Variants in FERMT1 observed in about 807,000 individuals in gnomAD.
The protein encoded by FERMT1 is fermitin family homolog 1.
Under a neutral mutation model 85.3 loss-of-function variants are expected in FERMT1, and 60 were observed. The observed-to-expected ratio is 0.70, with a 90% CI of 0.57 to 0.87. The LOEUF is 0.87. FERMT1 is among the 40% of genes least tolerant of loss of function. FERMT1 has a pLI of 0.00. For missense variants in FERMT1, 701 were observed against 818.9 expected (o/e 0.86, Z 1.76); for synonymous variants, 275 against 301.1 (o/e 0.91, Z 0.90).
At chr20:6,087,309 A>G (rs561127002) in intron 11 of FERMT1, among the ~76,000 whole-genome samples, 3 of 152,114 alleles carry the variant, frequency 2.0e-5, no homozygotes, top group East Asian at 1.9e-4. Flanking sequence ...AACAATGTTT[A>G]TTGTTTTTCT....
chr20:6,097,715 C>A, intron 6 of FERMT1, 84 bp from the exon 7 acceptor site: 1 of 949,352 alleles, frequency 1.1e-6, no homozygotes, highest in South Asian at 1.3e-5. Flanking sequence ...TGAGGCCATT[C>A]TCTGTTAATC....
At chr20:6,112,339 G>T in intron 4 of FERMT1, 138 bp downstream of exon 4, 1 of 826,770 alleles carries the variant, frequency 1.2e-6, no homozygotes, top group East Asian at 2.5e-5. Context: ...TTCTAAACTT[G>T]ACTAGATAGC....
At chr20:6,088,848 T>G in intron 10 of FERMT1, 117 bp downstream of exon 10, 1 of 974,188 alleles carries the variant, frequency 1.0e-6, no homozygotes, top group Non-Finnish European at 1.6e-6. Context: ...GGTCTCGAAC[T>G]CCTGACCTCA....
chr20:6,098,094 G>T (rs994092895), intron 6 of FERMT1, among the ~76,000 whole-genome samples: 3 of 152,168 alleles, frequency 2.0e-5, no homozygotes, highest in Non-Finnish European at 4.4e-5. Context: ...AATTACAGGC[G>T]TGAGCCACTG....
At chr20:6,091,691 C>T (rs1363288691) in intron 9 of FERMT1, among the ~76,000 whole-genome samples, 1 of 152,142 alleles carries the variant, frequency 6.6e-6, no homozygotes, top group African/African-American at 2.4e-5. Context: ...AAGAATGAGG[C>T]CCTACTTCTC....
chr20:6,089,242 G>A (rs768469368), intron 9 of FERMT1, among the ~76,000 whole-genome samples, 153 bp from the exon 10 acceptor site: 6 of 152,166 alleles, frequency 3.9e-5, no homozygotes, highest in Non-Finnish European at 8.8e-5. Context: ...CCAAGCGCTG[G>A]AAATGAAATG....
At position 6,113,595 on chromosome 20, in the gene FERMT1, GC is replaced by G. The variant is rs775236705; in HGVS notation, c.386-973del. On this transcript the variant is annotated intron_variant, in intron 3 of 14. Coordinates refer to ENST00000217289, the MANE Select transcript of FERMT1 (RefSeq NM_017671.5). ...CGGAATCTAGACCATGCATCTTTCT[GC>G]CAGAGGCTTTGCTCTGATGGCTCAC... 7.9e-5 allele frequency among the ~76,000 whole-genome samples: 12 copies of G among 152,182 alleles called. No homozygotes were observed. The East Asian group carries it at 1.4e-3, about 17-fold the overall frequency.
rs543960700 is a variant in FERMT1 at position 6,090,581 on chromosome 20, C to T, written c.1140-1492G>A. ...ACCAGCCTGGGCAACACAGGAAGATCACATCTCTACAAAAAAAGAAAAATT... is the reference window on the plus strand; with the variant it reads ...ACCAGCCTGGGCAACACAGGAAGATTACATCTCTACAAAAAAAGAAAAATT... On this transcript the variant is annotated intron_variant, in intron 9 of 14. Transcript: ENST00000217289. Among the ~76,000 whole-genome samples, 123 of 151,962 alleles carry T rather than the reference C, an allele frequency of 8.1e-4. 1 individual carries two copies. Among genetic ancestry groups the T allele is most frequent in the African/African-American group, 2.9e-3 (119 of 41,450 alleles).
chr20:6,104,791 C>G lies in FERMT1; in HGVS notation c.849+2741G>C, dbSNP rs1184826535. Among the ~76,000 whole-genome samples, 1 of 152,188 alleles carries G rather than the reference C, an allele frequency of 6.6e-6. No individual in the cohort carries two copies. Among genetic ancestry groups the G allele is most frequent in the Non-Finnish European group, 1.5e-5 (1 of 68,010 alleles). On this transcript the variant is annotated intron_variant, in intron 6 of 14. Transcript: ENST00000217289. The surrounding 1 kb of genome is among the most constrained non-coding windows in gnomAD (Gnocchi z 4.2). Reference sequence around the variant, plus strand: ...CGTTTGATTTCTTCCACTTTTTAGACAAATACATATTTAACCCTGCTCCTC... The same window carrying G: ...CGTTTGATTTCTTCCACTTTTTAGAGAAATACATATTTAACCCTGCTCCTC...
intron 11 of FERMT1, among the ~76,000 whole-genome samples, chr20:6,085,828 G>A (rs1982165420): frequency 6.8e-6 from 1 of 148,068 alleles, no homozygotes; most frequent in Non-Finnish European, 1.5e-5. Flanking sequence ...GAGCCTGGGC[G>A]ACAGAACAAT....
chr20:6,091,582 A>G (rs1202256706), intron 9 of FERMT1, among the ~76,000 whole-genome samples: 1 of 152,218 alleles, frequency 6.6e-6, no homozygotes, highest in East Asian at 1.9e-4. Flanking sequence ...CAAAATGAAT[A>G]GTATTTTCAG....
intron 5 of FERMT1, 95 bp downstream of exon 5, chr20:6,110,203 C>T (rs1982905208): frequency 9.2e-7 from 1 of 1,090,596 alleles, no homozygotes; most frequent in South Asian, 1.3e-5. Flanking sequence ...AAAGCACAAT[C>T]CCTAGGCCTA....
chr20:6,097,165 T>G, intron 7 of FERMT1, 132 bp from the exon 8 acceptor site: 3 of 917,382 alleles, frequency 3.3e-6, no homozygotes, highest in Non-Finnish European at 3.5e-6. Context: ...AGAGGTCTCC[T>G]TCCCGTGTGG....
chr20:6,080,576 G>A lies in FERMT1; in HGVS notation c.1719-999C>T, dbSNP rs183259231. Among the ~76,000 whole-genome samples, 24 of 152,282 alleles carry A rather than the reference G, an allele frequency of 1.6e-4. No homozygotes were observed. The East Asian group carries it at 4.4e-3, about 28-fold the overall frequency. On this transcript the variant is annotated intron_variant, in intron 13 of 14. Transcript: ENST00000217289. ...ACACCAAGCAGGATCACTCTGGACC[G>A]GCTCTGTGATGGTGGTGGTGGAGGA... is the stretch of plus-strand genomic sequence containing the variant.
chr20:6,089,105 T>C lies in FERMT1; in HGVS notation c.1140-16A>G, dbSNP rs749615948. The C allele has an allele frequency of 3.1e-6, 5 of 1,609,176 alleles. No individual in the cohort carries two copies. Among genetic ancestry groups the C allele is most frequent in the East Asian group, 2.2e-5 (1 of 44,788 alleles). The stretch of plus-strand genomic sequence containing the variant: ...CTTCTTGGGCCTGCAAATTCAAAGA[T>C]AGTGAATGTTTAAACCACCACCCAG... On this transcript the variant is annotated splice_polypyrimidine_tract_variant and intron_variant, in intron 9 of 14. Coordinates refer to ENST00000217289, the MANE Select transcript of FERMT1 (RefSeq NM_017671.5).
intron 13 of FERMT1, 139 bp downstream of exon 13, chr20:6,083,901 G>T: frequency 1.0e-6 from 1 of 971,164 alleles, no homozygotes; most frequent in Non-Finnish European, 1.6e-6. Context: ...AGCCCAAAGT[G>T]TCAGGACTAT....
chr20:6,097,842 T>G (rs748695221), intron 6 of FERMT1, among the ~76,000 whole-genome samples: 1 of 151,576 alleles, frequency 6.6e-6, no homozygotes, highest in Non-Finnish European at 1.5e-5. Flanking sequence ...TGAGACAGGG[T>G]CTCACTCTGT....
intron 3 of FERMT1, 74 bp downstream of exon 3, chr20:6,115,737 A>T: frequency 9.2e-7 from 1 of 1,089,704 alleles, no homozygotes; most frequent in Non-Finnish European, 1.4e-6. Flanking sequence ...TGAAGTAGGC[A>T]GAATGCACAC....
chr20:6,103,797 C>A (rs11696938), intron 6 of FERMT1, among the ~76,000 whole-genome samples: 28,339 of 121,474 alleles, frequency 0.23, 3,742 homozygotes, highest in East Asian at 0.57. Context: ...GCCAGATGTA[C>A]AATTTTCATT....
Sources: allele counts gnomAD v4.1 joint callset (sites outside exome capture counted in the v4.1 genomes callset), GRCh38; gene constraint gnomAD v4.1.1; non-coding constraint Gnocchi (gnomAD v3.1); transcripts MANE v1.5; gene names NCBI Gene and HGNC (gene_info 2026-07-23, HGNC 2026-07-21).